The following PTPRD variants were observed in gnomAD, a reference collection of about 807,000 sequenced individuals.
PTPRD encodes the protein receptor-type tyrosine-protein phosphatase delta.
In PTPRD, 34 loss-of-function variants were observed where a neutral mutation model predicts 214.5. The ratio of observed to expected loss-of-function variants is 0.16; its 90% CI spans 0.12 to 0.21. The LOEUF is 0.21. Among genes scored for constraint, PTPRD ranks in the 10% least tolerant of loss-of-function variants. The probability of loss-of-function intolerance (pLI) is 1.00; values close to 1 mark genes in which losing one functional copy is unlikely to be tolerated. For missense variants in PTPRD, 2,545 were observed against 2,398.7 expected (o/e 1.06, Z -1.27); for synonymous variants, 1,128 against 845.7 (o/e 1.33, Z -5.79).
chr9:8,489,400 T>A (rs1426667969), intron 27 of PTPRD, among the ~76,000 whole-genome samples: 1 of 152,192 alleles, frequency 6.6e-6, no homozygotes, highest in Non-Finnish European at 1.5e-5. Context: ...GATCTCAGTC[T>A]GCTCTCTATT....
chr9:9,558,451 T>A (rs977937668), intron 8 of PTPRD, among the ~76,000 whole-genome samples: 1 of 152,112 alleles, frequency 6.6e-6, no homozygotes, highest in Non-Finnish European at 1.5e-5. Context: ...GACACACAGG[T>A]TTGATACACA....
chr9:10,335,078 G>C (rs2096822034), intron 3 of PTPRD, among the ~76,000 whole-genome samples: 1 of 151,644 alleles, frequency 6.6e-6, no homozygotes, highest in Non-Finnish European at 1.5e-5. Flanking sequence ...TTTGGATATT[G>C]ACAAACTGAT....
intron 3 of PTPRD, among the ~76,000 whole-genome samples, chr9:10,054,667 C>T (rs993624571): frequency 4.6e-5 from 7 of 152,096 alleles, no homozygotes; most frequent in Non-Finnish European, 2.9e-5. Flanking sequence ...AGGAGTCTAA[C>T]TTCAATATGC....
rs140210805 is a variant in PTPRD, at chr9:8,865,225, A to T, written c.-103-131279T>A. On this transcript the variant is annotated intron_variant, in intron 11 of 45. Coordinates refer to ENST00000381196, the MANE Select transcript of PTPRD (RefSeq NM_002839.4). Reference sequence around the variant, plus strand: ...GAAAGAACAAATTTTTCAGTACAGGAGGCAGCATTTGCCAGTACAACAAGA... The same window carrying T: ...GAAAGAACAAATTTTTCAGTACAGGTGGCAGCATTTGCCAGTACAACAAGA... Among the ~76,000 whole-genome samples the T allele has an allele frequency of 1.5e-3, 230 of 152,312 alleles. 2 individuals carry two copies. The highest frequency in any genetic ancestry group is 3.4e-4 in the Non-Finnish European group (23 of 68,024).
chr9:9,332,239 GGAGAGA>G (rs35963082), intron 9 of PTPRD, among the ~76,000 whole-genome samples: 10 of 151,664 alleles, frequency 6.6e-5, no homozygotes, highest in African/African-American at 2.4e-4. Context: ...TTTAGCAGGT[GGAGAGA>G]GAGAGAGTCA....
chr9:8,611,823 G>GGAGAAGA (rs1403419458), intron 14 of PTPRD, among the ~76,000 whole-genome samples: 5 of 145,576 alleles, frequency 3.4e-5, no homozygotes, highest in African/African-American at 1.3e-4. Flanking sequence ...GGAGAAGAGA[G>GGAGAAGA]GAGGAGAAGG....
At chr9:8,497,705 A>C (rs1401329129) in intron 25 of PTPRD, among the ~76,000 whole-genome samples, 4 of 152,252 alleles carry the variant, frequency 2.6e-5, no homozygotes, top group African/African-American at 9.6e-5. Context: ...AGTCAAGGAA[A>C]GTAAATGAGA....
intron 9 of PTPRD, among the ~76,000 whole-genome samples, chr9:9,336,977 T>C (rs1255226467): frequency 6.6e-6 from 1 of 152,144 alleles, no homozygotes; most frequent in East Asian, 1.9e-4. Flanking sequence ...AAACTAATAG[T>C]TCTTTAAGGG....
At chr9:10,542,577 A>T (rs1160356538) in intron 2 of PTPRD, among the ~76,000 whole-genome samples, 1 of 152,118 alleles carries the variant, frequency 6.6e-6, no homozygotes, top group East Asian at 1.9e-4. Context: ...ATTTCACCTT[A>T]TAAACATTTC....
intron 9 of PTPRD, among the ~76,000 whole-genome samples, chr9:9,358,415 G>A (rs1349036223): frequency 1.3e-5 from 2 of 151,236 alleles, no homozygotes; most frequent in South Asian, 2.1e-4. Context: ...ATCTTGCTAT[G>A]TATATCTATA....
intron 2 of PTPRD, among the ~76,000 whole-genome samples, chr9:10,557,258 C>G (rs2062820390): frequency 6.6e-6 from 1 of 152,012 alleles, no homozygotes; most frequent in Non-Finnish European, 1.5e-5. Flanking sequence ...TTCTCTGTCT[C>G]TCATTTAAAA....
chr9:9,733,743 C>G (rs915367122), intron 7 of PTPRD, among the ~76,000 whole-genome samples: 1 of 152,028 alleles, frequency 6.6e-6, no homozygotes, highest in Non-Finnish European at 1.5e-5. Flanking sequence ...GTTGGGACAT[C>G]CAGTCTACAC....
chr9:8,483,396 A>T (rs1397198313), intron 30 of PTPRD, among the ~76,000 whole-genome samples: 1 of 152,208 alleles, frequency 6.6e-6, no homozygotes, highest in African/African-American at 2.4e-5. Flanking sequence ...TAATTACAAA[A>T]ATATTTTGCC....
chr9:10,244,647 T>C (rs1408803526), intron 3 of PTPRD, among the ~76,000 whole-genome samples: 1 of 152,128 alleles, frequency 6.6e-6, no homozygotes, highest in African/African-American at 2.4e-5. Context: ...CATTATTTCA[T>C]ACCAGTTCAA....
intron 8 of PTPRD, among the ~76,000 whole-genome samples, chr9:9,432,320 C>A (rs2083515009): frequency 1.3e-5 from 2 of 151,980 alleles, no homozygotes; most frequent in South Asian, 4.1e-4. Context: ...TCTTAATTGG[C>A]AGACTGTTGG....
intron 2 of PTPRD, among the ~76,000 whole-genome samples, chr9:10,438,448 A>G (rs2154522671): frequency 6.6e-6 from 1 of 151,894 alleles, no homozygotes; most frequent in South Asian, 2.1e-4. Flanking sequence ...AAACAACACC[A>G]CATTGAGAAA....
intron 4 of PTPRD, among the ~76,000 whole-genome samples, chr9:9,966,051 G>A (rs976050040): frequency 1.3e-5 from 2 of 152,102 alleles, no homozygotes; most frequent in African/African-American, 4.8e-5. Flanking sequence ...CTGCATAGAA[G>A]CATGCTGTTT....
chr9:9,356,970 A>G (rs2054043397), intron 9 of PTPRD, among the ~76,000 whole-genome samples: 1 of 151,382 alleles, frequency 6.6e-6, no homozygotes, highest in Non-Finnish European at 1.5e-5. Flanking sequence ...AATAAGGTCA[A>G]GCAACCGGGT....
chr9:9,452,404 T>C (rs2092364902), intron 8 of PTPRD, among the ~76,000 whole-genome samples: 1 of 151,440 alleles, frequency 6.6e-6, no homozygotes, highest in Non-Finnish European at 1.5e-5. Flanking sequence ...CTTTCCAGAC[T>C]GAATGTGTAA....
Sources: allele counts gnomAD v4.1 joint callset (sites outside exome capture counted in the v4.1 genomes callset), GRCh38; gene constraint gnomAD v4.1.1; transcripts MANE v1.5; gene names NCBI Gene and HGNC (gene_info 2026-07-23, HGNC 2026-07-21).